The following HSPA12A variants were observed in gnomAD, a reference collection of about 807,000 sequenced individuals.
HSPA12A encodes the protein heat shock protein family A (Hsp70) member 12A, also known as heat shock 70 kDa protein 12A.
Under a neutral mutation model 69.2 loss-of-function variants are expected in HSPA12A, and 28 were observed. The observed-to-expected ratio is 0.40, with a 90% CI of 0.30 to 0.55. The LOEUF (loss-of-function observed/expected upper bound fraction) is 0.55, where lower values mean the gene tolerates loss of function less well. Ranked by LOEUF, HSPA12A falls within the 20% of genes least tolerant of loss-of-function variation. HSPA12A has a pLI of 0.38. For synonymous variants in HSPA12A, 345 were observed against 370.5 expected (o/e 0.93, Z 0.79); for missense variants, 686 against 900.7 (o/e 0.76, Z 3.05).
In HSPA12A at chr10:116,675,548, C is replaced by T; in HGVS notation, c.1391-130G>A. 1.1e-6 allele frequency: 1 copy of T among 895,290 alleles called. No individual in the cohort carries two copies. Among genetic ancestry groups the T allele is most frequent in the East Asian group, 2.7e-5 (1 of 37,482 alleles). The allele number at this position is 895,290 out of a possible 1,614,324, so 55.5% of individuals were successfully genotyped here. A position where few individuals can be genotyped will look rare whatever the true frequency, so the allele number is the denominator to read the frequency against. On this transcript the variant is annotated intron_variant, in intron 11 of 11. Coordinates refer to ENST00000369209, the MANE Select transcript of HSPA12A (RefSeq NM_025015.3). This position sits in a 1 kb window ranked among gnomAD's most constrained non-coding sequence, Gnocchi z 5.2. ...ACTGGGAGGGCAGGCTTACTCTGAG[C>T]TCCTTGAACAGAATCTTTGCAGAAC...
chr10:116,780,471 C>A (rs1844440465), intron 2 of HSPA12A, among the ~76,000 whole-genome samples: 1 of 152,114 alleles, frequency 6.6e-6, no homozygotes, highest in East Asian at 1.9e-4. Flanking sequence ...CCCACCTCAG[C>A]CTCCTGAGTG....
At chr10:116,742,706 C>T, upstream of HSPA12A, 2 of 635,588 alleles carry the variant, frequency 3.1e-6, no homozygotes, top group Non-Finnish European at 2.0e-6. Flanking sequence ...AAGGCGGGCG[C>T]GGGGAACTGC....
intron 1 of HSPA12A, among the ~76,000 whole-genome samples, chr10:116,725,670 G>A (rs542315956): frequency 4.6e-5 from 7 of 152,236 alleles, no homozygotes; most frequent in South Asian, 2.1e-4. Flanking sequence ...CAGAAGGGGC[G>A]CTATCTTGGG....
At chr10:116,725,875 A>G (rs1423146168) in intron 1 of HSPA12A, among the ~76,000 whole-genome samples, 1 of 152,134 alleles carries the variant, frequency 6.6e-6, no homozygotes, top group African/African-American at 2.4e-5. Context: ...AATCTTAAAA[A>G]GACCCCAGCT....
intron 2 of HSPA12A, among the ~76,000 whole-genome samples, chr10:116,785,452 C>A (rs1455676836): frequency 6.6e-6 from 1 of 152,044 alleles, no homozygotes; most frequent in Admixed American, 6.5e-5. Context: ...GGCATCAGGG[C>A]ATTGTGACAG....
chr10:116,767,253 G>C (rs1844100016), intron 2 of HSPA12A, among the ~76,000 whole-genome samples: 1 of 152,204 alleles, frequency 6.6e-6, no homozygotes, highest in Non-Finnish European at 1.5e-5. Context: ...CTGGGCCACG[G>C]AGACTGGAAG....
At chr10:116,724,781 C>T (rs924889636) in intron 1 of HSPA12A, among the ~76,000 whole-genome samples, 19 of 152,184 alleles carry the variant, frequency 1.2e-4, no homozygotes, top group East Asian at 5.8e-4. Context: ...GGGTGCCCTG[C>T]GGCCCAGAGC....
chr10:116,740,679 TGTGTGTGTGTGTGTGTGC>T (rs1564804012), intron 1 of HSPA12A, among the ~76,000 whole-genome samples: 24 of 60,198 alleles, frequency 4.0e-4, no homozygotes, highest in East Asian at 2.1e-3. Context: ...TGTGTGTCTG[TGTGTGTGTGTGTGTGTGC>T]GTGTGTGTGT....
At chr10:116,684,533 T>C (rs1849520061) in intron 6 of HSPA12A, among the ~76,000 whole-genome samples, 1 of 151,796 alleles carries the variant, frequency 6.6e-6, no homozygotes, top group African/African-American at 2.4e-5. Flanking sequence ...ACCTGTTATC[T>C]CCAGAGCGCT....
At chr10:116,733,191 A>C (rs536334857) in intron 1 of HSPA12A, among the ~76,000 whole-genome samples, 1 of 152,334 alleles carries the variant, frequency 6.6e-6, no homozygotes, top group Admixed American at 6.5e-5. Context: ...GTTGTGCTGT[A>C]AACAGTTTCT....
At chr10:116,730,684 T>C (rs1851122876) in intron 1 of HSPA12A, among the ~76,000 whole-genome samples, 1 of 152,254 alleles carries the variant, frequency 6.6e-6, no homozygotes, top group Non-Finnish European at 1.5e-5. Flanking sequence ...GGGTGACTCC[T>C]TCCCCAGCCA....
At chr10:116,848,627 C>G (rs1220872076) in intron 1 of HSPA12A, among the ~76,000 whole-genome samples, 1 of 152,124 alleles carries the variant, frequency 6.6e-6, no homozygotes, top group Non-Finnish European at 1.5e-5. Context: ...GAACTGAGGA[C>G]GCACACTAAG....
chr10:116,742,643 G>GCCCGCCCGGCGC (rs1355437603), upstream of HSPA12A: 2 of 997,832 alleles, frequency 2.0e-6, no homozygotes, highest in Non-Finnish European at 2.4e-6. Flanking sequence ...CCCCGCCCCG[G>GCCCGCCCGGCGC]CCCGCCCGGC....
At chr10:116,827,685 T>G (rs954388890) in intron 2 of HSPA12A, 1 of 152,262 alleles carries the variant, frequency 6.6e-6, no homozygotes, top group South Asian at 2.1e-4. Context: ...AAGGCAGATG[T>G]GGGACAAACT....
At chr10:116,724,767 C>T (rs1484618273) in intron 1 of HSPA12A, among the ~76,000 whole-genome samples, 1 of 152,212 alleles carries the variant, frequency 6.6e-6, no homozygotes, top group Non-Finnish European at 1.5e-5. Context: ...CCTGTGGCCT[C>T]ACTGGGTGCC....
rs140356057 is a variant in HSPA12A at position 116,740,479 on chromosome 10, T to C, written c.40+1951A>G. Among the ~76,000 whole-genome samples the C allele has an allele frequency of 2.2e-3, 331 of 152,316 alleles. 1 individual carries two copies. Among genetic ancestry groups the C allele is most frequent in the African/African-American group, 7.0e-3 (290 of 41,572 alleles). ...CCGCTCTTCAGGTTGGTCTCTGTCCTAAGTCCATGCACCTGGAATTCTCAC... is the reference window on the plus strand; with the variant it reads ...CCGCTCTTCAGGTTGGTCTCTGTCCCAAGTCCATGCACCTGGAATTCTCAC... On this transcript the variant is annotated intron_variant, in intron 1 of 11. Coordinates refer to ENST00000369209, the MANE Select transcript of HSPA12A (RefSeq NM_025015.3).
At chr10:116,834,528 C>T (rs1335865656) in intron 2 of HSPA12A, among the ~76,000 whole-genome samples, 3 of 152,118 alleles carry the variant, frequency 2.0e-5, no homozygotes, top group South Asian at 2.1e-4. Context: ...TCCAGAAGAG[C>T]GAGAGGCCAT....
At chr10:116,696,495 G>A (rs2441784) in intron 5 of HSPA12A, among the ~76,000 whole-genome samples, 8,339 of 152,090 alleles carry the variant, frequency 0.055, 396 homozygotes, top group East Asian at 0.27. Flanking sequence ...TTCTTCCTTC[G>A]TCTTGCACCA....
At chr10:116,702,181 G>T (rs1350308509) in intron 3 of HSPA12A, among the ~76,000 whole-genome samples, 1 of 152,032 alleles carries the variant, frequency 6.6e-6, no homozygotes, top group Non-Finnish European at 1.5e-5. Context: ...GGAAGGGGAA[G>T]ACAGGAAACT....
Sources: allele counts gnomAD v4.1 joint callset (sites outside exome capture counted in the v4.1 genomes callset), GRCh38; gene constraint gnomAD v4.1.1; non-coding constraint Gnocchi (gnomAD v3.1); transcripts MANE v1.5; gene names NCBI Gene and HGNC (gene_info 2026-07-23, HGNC 2026-07-21).